KYNU: variants seen among roughly 807,000 people sequenced by gnomAD.
The protein encoded by KYNU is L-kynurenine hydrolase.
KYNU carries 54 observed loss-of-function variants against 59.2 expected under a neutral mutation model. The observed-to-expected ratio is 0.91, with a 90% CI of 0.73 to 1.14. The LOEUF (loss-of-function observed/expected upper bound fraction) is 1.14, where lower values mean the gene tolerates loss of function less well. Among genes scored for constraint, KYNU ranks in the 50% most tolerant of loss-of-function variants. The pLI is 0.00. For missense variants in KYNU, 567 were observed against 554.4 expected (o/e 1.02, Z -0.23); for synonymous variants, 177 against 192.0 (o/e 0.92, Z 0.65).
chr2:142,932,817 A>G (rs1373098618), intron 4 of KYNU, among the ~76,000 whole-genome samples: 1 of 152,090 alleles, frequency 6.6e-6, no homozygotes, highest in Non-Finnish European at 1.5e-5. Flanking sequence ...TGCTGTAAGA[A>G]GGAGCTGCCG....
chr2:142,906,015 CCT>C (rs1055506550), intron 2 of KYNU, among the ~76,000 whole-genome samples: 1 of 151,958 alleles, frequency 6.6e-6, no homozygotes, highest in Non-Finnish European at 1.5e-5. Flanking sequence ...CTCTCTCTCT[CCT>C]CTCTGTCTCT....
intron 12 of KYNU, among the ~76,000 whole-genome samples, chr2:143,034,885 T>C (rs182830766): frequency 6.6e-6 from 1 of 152,340 alleles, no homozygotes; most frequent in Admixed American, 6.5e-5. Flanking sequence ...TTTCCTCTGG[T>C]GCCCATATCT....
intron 4 of KYNU, among the ~76,000 whole-genome samples, chr2:142,953,846 A>G (rs1355260842): frequency 2.0e-5 from 3 of 152,162 alleles, no homozygotes; most frequent in Non-Finnish European, 4.4e-5. Context: ...TAAATTATAT[A>G]CTTATTTACA....
chr2:143,042,213 C>T lies in KYNU; in HGVS notation c.*41C>T. On this transcript the variant is annotated 3_prime_UTR_variant, in exon 14 of 14. Transcript: ENST00000264170. ...CAACTTAAGCAAATTATACTGAAAG[C>T]TGCTGTGGTTATTTCAGTATTATTC... The T allele has an allele frequency of 1.9e-6, 3 of 1,588,146 alleles. No homozygotes were observed. The highest frequency in any genetic ancestry group is 8.6e-7 in the Non-Finnish European group (1 of 1,163,220).
intron 10 of KYNU, chr2:142,989,807 TAG>T (rs1685342068): frequency 6.6e-6 from 1 of 151,900 alleles, no homozygotes; most frequent in Admixed American, 6.6e-5. Flanking sequence ...CCACCTGGTG[TAG>T]AGAGTGTATC....
intron 2 of KYNU, among the ~76,000 whole-genome samples, chr2:142,895,848 C>T (rs1478683257): frequency 2.0e-5 from 3 of 152,106 alleles, no homozygotes; most frequent in African/African-American, 7.2e-5. Flanking sequence ...CCACACCAGT[C>T]TCATTTTTTA....
intron 10 of KYNU, among the ~76,000 whole-genome samples, chr2:143,022,493 A>T (rs2105219215): frequency 6.6e-6 from 1 of 152,096 alleles, no homozygotes; most frequent in Non-Finnish European, 1.5e-5. Flanking sequence ...GTTTAATATT[A>T]ATATTATAAT....
chr2:142,972,996 A>G (rs1318194481), intron 8 of KYNU, among the ~76,000 whole-genome samples: 2 of 149,536 alleles, frequency 1.3e-5, no homozygotes, highest in African/African-American at 4.9e-5. Context: ...TGCTGACACC[A>G]ATTTGCCATT....
At chr2:142,882,020 G>T (rs1044674192) in intron 1 of KYNU, among the ~76,000 whole-genome samples, 3 of 148,474 alleles carry the variant, frequency 2.0e-5, no homozygotes, top group Non-Finnish European at 4.4e-5. Context: ...TCCCAGTGCT[G>T]GGGTAACAGG....
Position 142,900,182 on chromosome 2 carries a change from C to A in KYNU, c.169+14646C>A, listed in dbSNP as rs1327014474. On this transcript the variant is annotated intron_variant, in intron 2 of 13. Coordinates refer to ENST00000264170, the MANE Select transcript of KYNU (RefSeq NM_003937.3). ...TTAGCCGTGCAGGAACAATGGCAAG[C>A]CTTTAGCCTGATCAGGAGTGGCAGC... 5.3e-5 allele frequency among the ~76,000 whole-genome samples: 8 copies of A among 152,308 alleles called. No individual in the cohort carries two copies. In the South Asian group the frequency reaches 1.7e-3, roughly 32 times the overall value.
intron 12 of KYNU, 66 bp downstream of exon 12, chr2:143,033,387 CA>C: frequency 9.0e-7 from 1 of 1,112,132 alleles, no homozygotes; most frequent in African/African-American, 1.5e-5. Flanking sequence ...TGTGACAATT[CA>C]TAGTACTTTC....
At chr2:142,956,171 A>G in intron 5 of KYNU, 32 bp from the exon 6 acceptor site, 2 of 1,170,018 alleles carry the variant, frequency 1.7e-6, no homozygotes, top group Non-Finnish European at 2.6e-6. Context: ...ATTGTGTATT[A>G]ATGCTTTCTC....
intron 4 of KYNU, among the ~76,000 whole-genome samples, chr2:142,948,592 A>C (rs978659240): frequency 1.3e-5 from 2 of 152,086 alleles, no homozygotes; most frequent in African/African-American, 4.8e-5. Context: ...TTGTGTAGGG[A>C]AACTCCCCTT....
chr2:142,952,637 C>T (rs1468919300), intron 4 of KYNU, among the ~76,000 whole-genome samples: 1 of 152,074 alleles, frequency 6.6e-6, no homozygotes. Flanking sequence ...CAGAATCTCA[C>T]TATGTTGCCC....
intron 3 of KYNU, among the ~76,000 whole-genome samples, chr2:142,920,364 C>T (rs1558922037): frequency 2.0e-5 from 3 of 152,120 alleles, no homozygotes; most frequent in African/African-American, 7.2e-5. Context: ...TAAGAGAGGG[C>T]AGATAATTAG....
At chr2:142,915,614 A>G (rs1313905477) in intron 2 of KYNU, among the ~76,000 whole-genome samples, 1 of 152,220 alleles carries the variant, frequency 6.6e-6, no homozygotes, top group Non-Finnish European at 1.5e-5. Context: ...CTCAAGCAAT[A>G]AAGTGAGTTT....
chr2:143,032,800 G>C (rs7564245), intron 11 of KYNU, among the ~76,000 whole-genome samples: 132,322 of 150,748 alleles, frequency 0.88, 58,216 homozygotes, highest in Non-Finnish European at 0.91. Flanking sequence ...CTAAAAGTCA[G>C]CTTCATAGGT....
chr2:143,030,220 T>C lies in KYNU; in HGVS notation c.955+541T>C, dbSNP rs150818198. On this transcript the variant is annotated intron_variant, in intron 11 of 13. Coordinates refer to ENST00000264170, the MANE Select transcript of KYNU (RefSeq NM_003937.3). ...TACCTTAATAAATACTCATTTTCAC[T>C]CCTCTTTTTTCCTATTTTCCTTTTG... 4.0e-3 allele frequency among the ~76,000 whole-genome samples: 610 copies of C among 152,330 alleles called. 2 individuals carry two copies. Among genetic ancestry groups the C allele is most frequent in the African/African-American group, 0.014 (580 of 41,574 alleles).
intron 10 of KYNU, among the ~76,000 whole-genome samples, chr2:143,028,063 G>A (rs1358238872): frequency 6.6e-6 from 1 of 151,510 alleles, no homozygotes; most frequent in African/African-American, 2.4e-5. Context: ...ATTTTTATTT[G>A]GACATCACTA....
Sources: allele counts gnomAD v4.1 joint callset (sites outside exome capture counted in the v4.1 genomes callset), GRCh38; gene constraint gnomAD v4.1.1; transcripts MANE v1.5; gene names NCBI Gene and HGNC (gene_info 2026-07-23, HGNC 2026-07-21).